Variants in MYO16 observed in about 807,000 individuals in gnomAD.
MYO16 encodes the protein unconventional myosin-XVI.
Under a neutral mutation model 205.3 loss-of-function variants are expected in MYO16, and 94 were observed. That is an observed-to-expected ratio of 0.46 (90% CI 0.39 to 0.54). The LOEUF is 0.54. MYO16 is among the 20% of genes least tolerant of loss of function. MYO16 has a pLI of 0.00. For synonymous variants in MYO16, 988 were observed against 954.0 expected, an observed-to-expected ratio of 1.04 and a Z score of -0.66; for missense variants, 2,315 against 2,387.5, an observed-to-expected ratio of 0.97 and a Z score of 0.63.
intron 28 of MYO16, among the ~76,000 whole-genome samples, chr13:109,107,103 T>A (rs572159128): frequency 6.6e-6 from 1 of 152,186 alleles, no homozygotes; most frequent in East Asian, 1.9e-4. Flanking sequence ...ATACTTACTC[T>A]AGTGTGTGTG....
chr13:108,677,066 A>G (rs967804449), intron 2 of MYO16, among the ~76,000 whole-genome samples: 2 of 152,122 alleles, frequency 1.3e-5, no homozygotes, highest in African/African-American at 2.4e-5. Flanking sequence ...TTATTCATTC[A>G]TTCATTCATG....
chr13:109,070,864 T>C (rs1887902261), intron 27 of MYO16, among the ~76,000 whole-genome samples: 1 of 152,170 alleles, frequency 6.6e-6, no homozygotes, highest in South Asian at 2.1e-4. Flanking sequence ...CAAATCACAG[T>C]AGACACTGTA....
At chr13:108,911,211 T>A (rs965910649) in intron 16 of MYO16, among the ~76,000 whole-genome samples, 14 of 142,696 alleles carry the variant, frequency 9.8e-5, no homozygotes, top group African/African-American at 3.5e-4. Flanking sequence ...GCTTTAAGCC[T>A]GCAAAAAAAT....
At chr13:108,553,681 A>G in the MYO16 span, among the ~76,000 whole-genome samples, 571 of 152,278 alleles carry the variant, frequency 3.7e-3, 1 homozygote, top group African/African-American at 0.013. Flanking sequence ...GTTGACAACA[A>G]ATAGTATATT....
chr13:108,539,997 T>A, the MYO16 span, among the ~76,000 whole-genome samples: 1 of 152,062 alleles, frequency 6.6e-6, no homozygotes, highest in Admixed American at 6.6e-5. Context: ...CATGCCAAGG[T>A]TATGCAACCA....
intron 1 of MYO16, among the ~76,000 whole-genome samples, chr13:108,633,595 T>C (rs7317734): frequency 0.38 from 58,288 of 152,062 alleles, 11,914 homozygotes; most frequent in African/African-American, 0.54. Flanking sequence ...TCCACTGACT[T>C]GAATGTTAAT....
At chr13:108,535,156 C>G in the MYO16 span, among the ~76,000 whole-genome samples, 1 of 151,282 alleles carries the variant, frequency 6.6e-6, no homozygotes, top group Non-Finnish European at 1.5e-5. Context: ...TTGCTCTTCT[C>G]TTTTTAAAAA....
chr13:109,157,005 CA>C (rs1878082106), intron 32 of MYO16, among the ~76,000 whole-genome samples: 1 of 152,128 alleles, frequency 6.6e-6, no homozygotes, highest in South Asian at 2.1e-4. Flanking sequence ...TCAAAGTCAA[CA>C]AGTACAACCC....
intron 12 of MYO16, among the ~76,000 whole-genome samples, chr13:108,872,368 T>C (rs1397298785): frequency 6.6e-6 from 1 of 152,156 alleles, no homozygotes; most frequent in Non-Finnish European, 1.5e-5. Context: ...TACTATATTG[T>C]ATCTTGTGAT....
chr13:108,571,477 T>C, the MYO16 span, among the ~76,000 whole-genome samples: 2 of 152,204 alleles, frequency 1.3e-5, no homozygotes, highest in Non-Finnish European at 2.9e-5. Flanking sequence ...CAGAGAATTC[T>C]AATGTAAGCT....
At chr13:109,146,179 G>T (rs1331510889) in intron 32 of MYO16, among the ~76,000 whole-genome samples, 1 of 152,040 alleles carries the variant, frequency 6.6e-6, no homozygotes. Flanking sequence ...ACTTAATAAG[G>T]ATCACATAAG....
At chr13:108,750,813 C>CA (rs74310259) in intron 4 of MYO16, among the ~76,000 whole-genome samples, 9 of 151,340 alleles carry the variant, frequency 5.9e-5, no homozygotes, top group East Asian at 2.0e-4. Flanking sequence ...TCTCAAACAA[C>CA]AAAAAAAATT....
chr13:108,810,431 A>G (rs1186443356), intron 7 of MYO16, among the ~76,000 whole-genome samples: 6 of 152,194 alleles, frequency 3.9e-5, no homozygotes, highest in Admixed American at 3.9e-4. Flanking sequence ...AGGCATCAAA[A>G]CCAAGATACT....
At chr13:108,504,575 G>T in the MYO16 span, among the ~76,000 whole-genome samples, 1 of 150,924 alleles carries the variant, frequency 6.6e-6, no homozygotes, top group African/African-American at 2.4e-5. Context: ...TCTCTCTGTT[G>T]CCAGGGCTGG....
intron 27 of MYO16, among the ~76,000 whole-genome samples, chr13:109,097,119 C>T (rs890894134): frequency 4.6e-5 from 7 of 152,182 alleles, no homozygotes; most frequent in Non-Finnish European, 8.8e-5. Context: ...CACCTGAGGT[C>T]AGCAGTTCGA....
At chr13:108,943,080 G>A (rs1365999018) in intron 16 of MYO16, among the ~76,000 whole-genome samples, 7 of 152,330 alleles carry the variant, frequency 4.6e-5, no homozygotes, top group East Asian at 3.9e-4. Flanking sequence ...TGAATTTGCC[G>A]TGATGATAAG....
chr13:108,851,076 C>G (rs1877838868), intron 10 of MYO16, among the ~76,000 whole-genome samples: 1 of 152,164 alleles, frequency 6.6e-6, no homozygotes, highest in Admixed American at 6.5e-5. Context: ...ATCTTATTAT[C>G]TTAGCATAAA....
chr13:109,076,994 C>CTT (rs1555329682), intron 27 of MYO16, among the ~76,000 whole-genome samples: 37 of 103,430 alleles, frequency 3.6e-4, no homozygotes, highest in Admixed American at 6.1e-4. Context: ...TTTGTTTACA[C>CTT]TTTTTTTTTT....
At chr13:108,611,308 A>T (rs1879164778) in intron 1 of MYO16, among the ~76,000 whole-genome samples, 1 of 152,202 alleles carries the variant, frequency 6.6e-6, no homozygotes, top group Non-Finnish European at 1.5e-5. Context: ...AAGGACCTTA[A>T]AAAATGAATC....
Sources: allele counts gnomAD v4.1 joint callset (sites outside exome capture counted in the v4.1 genomes callset), GRCh38; gene constraint gnomAD v4.1.1; transcripts MANE v1.5; gene names NCBI Gene and HGNC (gene_info 2026-07-23, HGNC 2026-07-21).